VGLL4: variants seen among roughly 807,000 people sequenced by gnomAD.
VGLL4 encodes the protein vestigial like family member 4, also known as transcription cofactor vestigial-like protein 4.
Under a neutral mutation model 21.0 loss-of-function variants are expected in VGLL4, and 7 were observed. The ratio of observed to expected loss-of-function variants is 0.33; its 90% CI spans 0.19 to 0.63. The LOEUF (loss-of-function observed/expected upper bound fraction) is 0.63. Ranked by LOEUF, VGLL4 falls within the 20% of genes least tolerant of loss-of-function variation. The pLI, the probability that VGLL4 is intolerant of heterozygous loss-of-function variation, is 0.78. For missense variants in VGLL4, 394 were observed against 425.7 expected (o/e 0.93, Z 0.66); for synonymous variants, 222 against 173.2 (o/e 1.28, Z -2.21).
chr3:11,704,119 G>T (rs761566702), intron 1 of VGLL4, among the ~76,000 whole-genome samples: 24 of 152,216 alleles, frequency 1.6e-4, no homozygotes, highest in Middle Eastern at 3.4e-3. Flanking sequence ...GGTGGCTCAC[G>T]CCTGTAATCC....
intron 2 of VGLL4, among the ~76,000 whole-genome samples, chr3:11,683,937 G>A (rs12491266): frequency 0.52 from 78,424 of 151,988 alleles, 21,574 homozygotes; most frequent in Non-Finnish European, 0.63. Flanking sequence ...CCAGACAGGT[G>A]TGATGGATCA....
intron 1 of VGLL4, among the ~76,000 whole-genome samples, chr3:11,715,437 A>T (rs2076906913): frequency 6.6e-6 from 1 of 152,050 alleles, no homozygotes; most frequent in Non-Finnish European, 1.5e-5. Flanking sequence ...GGGTTCAAGC[A>T]ATTCTCCTGA....
At position 11,559,513 on chromosome 3, in the gene VGLL4, CT is replaced by C. The variant is rs376484580; in HGVS notation, c.496-59del. On this transcript the variant is annotated intron_variant, in intron 3 of 4. Transcript: ENST00000430365. Reference sequence around the variant, plus strand: ...CCAGCTTCAGTACCGGGCACCACCCCTGGGGCCCTCCCCAGCACCCTTCAGG... The same window carrying C: ...CCAGCTTCAGTACCGGGCACCACCCCGGGGCCCTCCCCAGCACCCTTCAGG... 568 of 1,484,104 alleles carry C rather than the reference CT, an allele frequency of 3.8e-4. 4 individuals are homozygous for C. The African/African-American group carries it at 7.2e-3, about 19-fold the overall frequency. The allele number at this position is 1,484,104 out of a possible 1,614,324, so 91.9% of individuals were successfully genotyped here. A position where few individuals can be genotyped will look rare whatever the true frequency, so the allele number is the denominator to read the frequency against.
chr3:11,660,947 A>T (rs1244139536), intron 2 of VGLL4, among the ~76,000 whole-genome samples: 7 of 152,208 alleles, frequency 4.6e-5, no homozygotes. Flanking sequence ...TTGAATACCA[A>T]ACAGCAACAA....
intron 1 of VGLL4, among the ~76,000 whole-genome samples, chr3:11,622,820 G>A (rs1459002545): frequency 1.3e-5 from 2 of 152,140 alleles, no homozygotes; most frequent in African/African-American, 2.4e-5. Context: ...TTGATGGCAC[G>A]AGCTCTGTCA....
intron 2 of VGLL4, among the ~76,000 whole-genome samples, chr3:11,578,670 G>A (rs2074129462): frequency 6.8e-6 from 1 of 147,754 alleles, no homozygotes; most frequent in Non-Finnish European, 1.5e-5. Context: ...TACACCCATT[G>A]AAAATTTGAG....
chr3:11,633,964 T>G lies in VGLL4; in HGVS notation c.82+9473A>C, dbSNP rs9681032. On this transcript the variant is annotated intron_variant, in intron 1 of 4. Transcript: ENST00000430365. ...GGCAGGGAGCAGTTTAGAGATTATTTTAGCAATTAACAGGAAAATTAATGG... is the reference window on the plus strand; with the variant it reads ...GGCAGGGAGCAGTTTAGAGATTATTGTAGCAATTAACAGGAAAATTAATGG... Among the ~76,000 whole-genome samples the G allele has an allele frequency of 3.1e-3, 478 of 152,254 alleles. 1 individual carries two copies. The highest frequency in any genetic ancestry group is 0.011 in the African/African-American group (463 of 41,524).
At chr3:11,624,208 C>A in intron 1 of VGLL4, among the ~76,000 whole-genome samples, 1 of 152,178 alleles carries the variant, frequency 6.6e-6, no homozygotes, top group East Asian at 1.9e-4. Context: ...TCCAGGGACC[C>A]CCACGATATG....
chr3:11,716,584 G>A (rs558483660), intron 1 of VGLL4, among the ~76,000 whole-genome samples: 4 of 152,210 alleles, frequency 2.6e-5, no homozygotes, highest in African/African-American at 9.6e-5. Flanking sequence ...AATGAGGATC[G>A]ACTATATCTG....
chr3:11,702,779 T>C, intron 2 of VGLL4: 1 of 375,736 alleles, frequency 2.7e-6, no homozygotes, highest in Non-Finnish European at 4.7e-6. Context: ...CATAGTTAAG[T>C]GCCAGTTAAA....
At chr3:11,636,191 A>C (rs955515099) in intron 1 of VGLL4, among the ~76,000 whole-genome samples, 6 of 152,200 alleles carry the variant, frequency 3.9e-5, no homozygotes, top group Non-Finnish European at 7.4e-5. Context: ...TCACTCCCTT[A>C]ACTGTTATCA....
rs117109524 is a variant in VGLL4 at position 11,635,076 on chromosome 3, C to T, written c.82+8361G>A. Among the ~76,000 whole-genome samples, 7 of 152,276 alleles carry T rather than the reference C, an allele frequency of 4.6e-5. No individual in the cohort carries two copies. In the East Asian group the frequency reaches 1.4e-3, roughly 29 times the overall value. On this transcript the variant is annotated intron_variant, in intron 1 of 4. Coordinates refer to ENST00000430365, the MANE Select transcript of VGLL4 (RefSeq NM_001128219.3). The stretch of plus-strand genomic sequence containing the variant: ...AAGGTAAAGACTAAAAAAGACTGAA[C>T]TTGCCACTAGGATATCATTTAGTGA...
chr3:11,617,801 CT>C (rs1156959255), intron 1 of VGLL4, among the ~76,000 whole-genome samples: 1 of 152,214 alleles, frequency 6.6e-6, no homozygotes, highest in Non-Finnish European at 1.5e-5. Flanking sequence ...AGTGCTAGAA[CT>C]CCATATTTTA....
chr3:11,559,555 C>A, intron 3 of VGLL4, 100 bp from the exon 4 acceptor site: 1 of 1,402,996 alleles, frequency 7.1e-7, no homozygotes, highest in Non-Finnish European at 9.3e-7. Flanking sequence ...TCCTGGTGCC[C>A]TTCCTGACCC....
At chr3:11,691,198 T>C (rs567731200) in intron 2 of VGLL4, among the ~76,000 whole-genome samples, 23 of 150,372 alleles carry the variant, frequency 1.5e-4, no homozygotes, top group Middle Eastern at 3.4e-3. Flanking sequence ...TTTTAGGTTT[T>C]ACTAATGGAA....
At chr3:11,660,725 T>G (rs573012793) in intron 2 of VGLL4, among the ~76,000 whole-genome samples, 1 of 152,230 alleles carries the variant, frequency 6.6e-6, no homozygotes, top group Non-Finnish European at 1.5e-5. Context: ...TTTCAAAGAT[T>G]ATCTATTTGG....
At chr3:11,631,204 T>C (rs2075469282) in intron 1 of VGLL4, among the ~76,000 whole-genome samples, 1 of 152,210 alleles carries the variant, frequency 6.6e-6, no homozygotes, top group South Asian at 2.1e-4. Flanking sequence ...CTTTGGGGGA[T>C]GTGCGTACTG....
chr3:11,577,669 C>T (rs1424499302), intron 2 of VGLL4, among the ~76,000 whole-genome samples: 1 of 152,138 alleles, frequency 6.6e-6, no homozygotes, highest in Non-Finnish European at 1.5e-5. Flanking sequence ...ATGGTTTTAA[C>T]AGGAGAGAGA....
chr3:11,694,745 GA>G lies in VGLL4; in HGVS notation c.64+8225del, dbSNP rs369139284. Among the ~76,000 whole-genome samples, 64 of 152,308 alleles carry G rather than the reference GA, an allele frequency of 4.2e-4. 1 individual carries two copies. In the Middle Eastern group the frequency reaches 0.02, roughly 49 times the overall value. ...AAAATTTTACAAGAGTTTGCAAGAT[GA>G]AAGTGGAGGGGAAATTGCATTAGCC... On this transcript the variant is annotated intron_variant, in intron 2 of 5. Transcript: ENST00000273038.
Sources: allele counts gnomAD v4.1 joint callset (sites outside exome capture counted in the v4.1 genomes callset), GRCh38; gene constraint gnomAD v4.1.1; transcripts MANE v1.5; gene names NCBI Gene and HGNC (gene_info 2026-07-23, HGNC 2026-07-21).